The following GSN variants were observed in gnomAD, a reference collection of about 807,000 sequenced individuals.
The protein encoded by GSN is gelsolin.
In GSN, 56 loss-of-function variants were observed where a neutral mutation model predicts 85.7. That is an observed-to-expected ratio of 0.65 (90% CI 0.53 to 0.82). The LOEUF (loss-of-function observed/expected upper bound fraction) is 0.82. Among genes scored for constraint, GSN ranks in the 40% least tolerant of loss-of-function variants. The probability of loss-of-function intolerance (pLI) is 0.00; values close to 1 mark genes in which losing one functional copy is unlikely to be tolerated. For synonymous variants in GSN, 373 were observed against 399.1 expected (o/e 0.93, Z 0.78); for missense variants, 857 against 979.8 (o/e 0.87, Z 1.67).
At chr9:121,323,330 T>C (rs1045307893) in intron 11 of GSN, among the ~76,000 whole-genome samples, 2 of 151,024 alleles carry the variant, frequency 1.3e-5, no homozygotes, top group Non-Finnish European at 2.9e-5. Flanking sequence ...TACTTACTAA[T>C]CTATAGGCTT....
At chr9:121,238,413 T>C (rs2054539505) in intron 5 of GSN, among the ~76,000 whole-genome samples, 1 of 152,238 alleles carries the variant, frequency 6.6e-6, no homozygotes, top group Non-Finnish European at 1.5e-5. Context: ...GGATGCTTCC[T>C]GGCCTTCAAC....
intron 4 of GSN, among the ~76,000 whole-genome samples, chr9:121,223,656 ATATTAT>A (rs565833007): frequency 4.0e-5 from 6 of 151,594 alleles, no homozygotes; most frequent in African/African-American, 1.2e-4. Flanking sequence ...CTTTATAAGT[ATATTAT>A]TATTATTATT....
chr9:121,307,483 C>A (rs2060537957), intron 4 of GSN, among the ~76,000 whole-genome samples: 1 of 152,184 alleles, frequency 6.6e-6, no homozygotes, highest in Non-Finnish European at 1.5e-5. Context: ...AGTTCCTAGG[C>A]TGACAGTTGA....
Position 121,282,196 on chromosome 9 carries a change from C to T in GSN, c.-10+634C>T, listed in dbSNP as rs908221320. The T allele has an allele frequency of 1.2e-4, 62 of 534,484 alleles. 1 individual carries two copies. Among genetic ancestry groups the T allele is most frequent in the South Asian group, 1.1e-3 (55 of 49,438 alleles). The allele number at this position is 534,484 out of a possible 1,614,324, so 33.1% of individuals were successfully genotyped here. ...CTGGCTCACCTCCCAGCTTCAGCCT[C>T]GGTTTCTCCACCTGTAGGATGGGTG... On this transcript the variant is annotated intron_variant, in intron 2 of 17. Coordinates refer to ENST00000432226, the MANE Select transcript of GSN (RefSeq NM_198252.3).
chr9:121,330,184 C>T (rs767255800), intron 16 of GSN, among the ~76,000 whole-genome samples: 1 of 152,218 alleles, frequency 6.6e-6, no homozygotes, highest in Non-Finnish European at 1.5e-5. Flanking sequence ...CATGGTCTTG[C>T]AGGCAAAATG....
intron 1 of GSN, chr9:121,280,201 C>T (rs1175409502): frequency 6.6e-6 from 1 of 152,266 alleles, no homozygotes; most frequent in African/African-American, 2.4e-5. Context: ...CCAGTTTGCT[C>T]AGCTTCCCTC....
chr9:121,296,412 G>A lies in GSN; in HGVS notation c.-9-5551G>A, dbSNP rs1007145211. 2.0e-5 allele frequency among the ~76,000 whole-genome samples: 3 copies of A among 152,278 alleles called. No homozygotes were observed. In the South Asian group the frequency reaches 6.2e-4, roughly 32 times the overall value. On this transcript the variant is annotated intron_variant, in intron 2 of 17. Transcript: ENST00000432226. Reference sequence around the variant, plus strand: ...GGCTGTGGACTGTCTGATCCAGAACGGCCTGCAGAGGTGACCTGGCCGAAT... The same window carrying A: ...GGCTGTGGACTGTCTGATCCAGAACAGCCTGCAGAGGTGACCTGGCCGAAT...
rs2059524450 is a variant in GSN, at chr9:121,299,289, C to A, written c.-9-2674C>A. The A allele has an allele frequency of 2.0e-6, 2 of 985,226 alleles. No individual in the cohort carries two copies. The highest frequency in any genetic ancestry group is 2.4e-6 in the Non-Finnish European group (2 of 829,850). The allele number at this position is 985,226 out of a possible 1,614,324, so 61.0% of individuals were successfully genotyped here. A position where few individuals can be genotyped will look rare whatever the true frequency, so the allele number is the denominator to read the frequency against. ...TGCCCACGGGAGCCGGGTCCCCTGC[C>A]CTGCTGCGGCGCATGCTGCCTGGTG... On this transcript the variant is annotated intron_variant, in intron 2 of 17. Coordinates refer to ENST00000432226, the MANE Select transcript of GSN (RefSeq NM_198252.3). This position sits in a 1 kb window ranked among gnomAD's most constrained non-coding sequence, Gnocchi z 4.2.
chr9:121,243,641 G>A (rs969297809), intron 5 of GSN, among the ~76,000 whole-genome samples: 5 of 152,180 alleles, frequency 3.3e-5, no homozygotes, highest in East Asian at 1.9e-4. Context: ...GCAATGGCAC[G>A]ATCTTGGCTC....
chr9:121,279,067 G>C (rs1299306613), intron 1 of GSN, among the ~76,000 whole-genome samples: 1 of 152,192 alleles, frequency 6.6e-6, no homozygotes, highest in Non-Finnish European at 1.5e-5. Flanking sequence ...GGAGCAATTG[G>C]GGAGGCTGAC....
chr9:121,323,239 C>A (rs2062712596), intron 11 of GSN, among the ~76,000 whole-genome samples: 1 of 152,144 alleles, frequency 6.6e-6, no homozygotes, highest in African/African-American at 2.4e-5. Context: ...ATGGAATATT[C>A]ACCTATGTTC....
At chr9:121,239,405 A>G (rs2054558903) in intron 5 of GSN, 4 of 431,008 alleles carry the variant, frequency 9.3e-6, no homozygotes, top group Non-Finnish European at 1.8e-5. Context: ...CCAGATTTGA[A>G]GAACCAGGCA....
chr9:121,246,590 C>T (rs2054703784), intron 5 of GSN, among the ~76,000 whole-genome samples: 1 of 152,132 alleles, frequency 6.6e-6, no homozygotes, highest in Admixed American at 6.5e-5. Flanking sequence ...AATTCTAGGA[C>T]AGAAGTGCCA....
intron 2 of GSN, among the ~76,000 whole-genome samples, chr9:121,297,522 G>A (rs1229629581): frequency 2.0e-5 from 3 of 152,136 alleles, no homozygotes; most frequent in Non-Finnish European, 4.4e-5. Context: ...CCAGCAAACG[G>A]CCTTAACAGT....
Position 121,299,788 on chromosome 9 carries a change from TGGGC to T in GSN, c.-9-2168_-9-2165del. 1 of 1,237,192 alleles carries T rather than the reference TGGGC, an allele frequency of 8.1e-7. No homozygotes were observed. The allele number at this position is 1,237,192 out of a possible 1,614,324, so 76.6% of individuals were successfully genotyped here. On this transcript the variant is annotated intron_variant, in intron 2 of 17. Transcript: ENST00000432226. This position sits in a 1 kb window ranked among gnomAD's most constrained non-coding sequence, Gnocchi z 4.2. The stretch of plus-strand genomic sequence containing the variant: ...GGGGCGGTCCCCGGCTTGGGCGGGA[TGGGC>T]GGGCGGCTACTTAAGGTCGGCGACC...
At chr9:121,295,549 C>T (rs888338907) in intron 2 of GSN, among the ~76,000 whole-genome samples, 1 of 152,298 alleles carries the variant, frequency 6.6e-6, no homozygotes, top group African/African-American at 2.4e-5. Context: ...CCTTTTTGTA[C>T]ACTGTGGCTG....
chr9:121,302,831 G>T (rs1387596280), intron 3 of GSN, 80 bp from the exon 4 acceptor site: 1 of 1,432,908 alleles, frequency 7.0e-7, no homozygotes. Context: ...CAGTGCTGGG[G>T]TTCCTCCTCC....
rs1473465931 is a variant in GSN, at chr9:121,327,356, A to G, written c.1636A>G (p.Lys546Glu). Residue 546 changes from lysine (K) to glutamate (E), a missense_variant, in exon 14 of 18, where the codon AAA becomes GAA. By Grantham distance (56) the Lys-to-Glu change is moderately conservative (BLOSUM62 1). Transcript: ENST00000432226. ...ALNSNDAFVLKTPSAAYLWVG... is the reference protein window; with the variant it reads ...ALNSNDAFVLETPSAAYLWVG... ...GAACTCCAACGATGCCTTTGTTCTG[A>G]AAACCCCCTCAGCCGCCTACCTGTG... The G allele has an allele frequency of 1.2e-6, 2 of 1,613,958 alleles. No individual in the cohort carries two copies. The highest frequency in any genetic ancestry group is 2.2e-5 in the South Asian group (2 of 91,076).
intron 2 of GSN, among the ~76,000 whole-genome samples, chr9:121,209,925 G>A (rs1165598625): frequency 6.6e-6 from 1 of 152,180 alleles, no homozygotes. Context: ...TCTCTGCATA[G>A]TATCTGGAAC....
Sources: allele counts gnomAD v4.1 joint callset (sites outside exome capture counted in the v4.1 genomes callset), GRCh38; gene constraint gnomAD v4.1.1; non-coding constraint Gnocchi (gnomAD v3.1); transcripts MANE v1.5; gene names NCBI Gene and HGNC (gene_info 2026-07-23, HGNC 2026-07-21).